RDH11: variants seen among roughly 807,000 people sequenced by gnomAD.
RDH11 encodes retinol dehydrogenase 11.
RDH11 carries 19 observed loss-of-function variants against 33.4 expected under a neutral mutation model. The observed-to-expected ratio is 0.57, with a 90% CI of 0.40 to 0.83. The LOEUF (loss-of-function observed/expected upper bound fraction) is 0.83. RDH11 is among the 40% of genes least tolerant of loss of function. RDH11 has a pLI of 0.00. For missense variants in RDH11, 353 were observed against 389.0 expected, an observed-to-expected ratio of 0.91 and a Z score of 0.78; for synonymous variants, 154 against 155.3, an observed-to-expected ratio of 0.99 and a Z score of 0.06.
At position 67,690,291 on chromosome 14, in the gene RDH11, G is replaced by C. The variant is rs538057863; in HGVS notation, c.585C>G (p.Phe195Leu). 3 of 1,614,050 alleles carry C rather than the reference G, an allele frequency of 1.9e-6. No homozygotes were observed. Among genetic ancestry groups the C allele is most frequent in the Non-Finnish European group, 2.5e-6 (3 of 1,180,024 alleles). ...GACAGTAGGCCAGGCCTGCATTGTA[G>C]AATTTCTCGCCCTGCAGGTTATGGA... Reference protein sequence around the residue: ...IHFHNLQGEKFYNAGLAYCHS... With the variant: ...IHFHNLQGEKLYNAGLAYCHS... Residue 195 changes from phenylalanine to leucine, a missense_variant, in exon 5 of 7, where the codon TTC (phenylalanine) becomes TTG (leucine). By Grantham distance (22) the Phe-to-Leu change is conservative (BLOSUM62 0). Coordinates refer to ENST00000381346, the MANE Select transcript of RDH11 (RefSeq NM_016026.4).
At chr14:67,686,306 A>AG (rs2037677443) in intron 5 of RDH11, 1 of 152,202 alleles carries the variant, frequency 6.6e-6, no homozygotes, top group Admixed American at 6.5e-5. Context: ...GGTAGTTATG[A>AG]GGATTAAATG....
At chr14:67,688,395 T>G (rs2037707297) in intron 5 of RDH11, among the ~76,000 whole-genome samples, 1 of 152,188 alleles carries the variant, frequency 6.6e-6, no homozygotes, top group Non-Finnish European at 1.5e-5. Flanking sequence ...ATGTACTAAA[T>G]GGAAAGATCT....
At chr14:67,690,739 T>C (rs548010161) in intron 4 of RDH11, 4 of 392,960 alleles carry the variant, frequency 1.0e-5, no homozygotes, top group South Asian at 7.9e-5. Context: ...ATCTCAGCAC[T>C]TAAAGAGGCT....
intron 6 of RDH11, 124 bp from the exon 7 acceptor site, chr14:67,678,547 C>T (rs1167391572): frequency 2.4e-5 from 15 of 623,916 alleles, no homozygotes; most frequent in Non-Finnish European, 3.7e-5. Context: ...TTCACAGGGC[C>T]AGTGTTTGTC....
At chr14:67,679,529 G>T (rs1364471123) in intron 6 of RDH11, among the ~76,000 whole-genome samples, 1 of 151,774 alleles carries the variant, frequency 6.6e-6, no homozygotes, top group Non-Finnish European at 1.5e-5. Context: ...TCAGCCTCCA[G>T]AGTAGCTGGG....
intron 1 of RDH11, 102 bp downstream of exon 1, chr14:67,695,528 C>T (rs2037819487): frequency 8.6e-7 from 1 of 1,162,476 alleles, no homozygotes. Context: ...ATCTTGGAGC[C>T]CCCCCAGGGG....
At chr14:67,690,564 A>G in intron 4 of RDH11, 143 bp from the exon 5 acceptor site, 2 of 673,300 alleles carry the variant, frequency 3.0e-6, no homozygotes, top group Admixed American at 2.7e-5. Context: ...CTAGAAAACA[A>G]GTTTAATGAA....
chr14:67,692,782 A>G, intron 2 of RDH11, 152 bp downstream of exon 2: 1 of 860,414 alleles, frequency 1.2e-6, no homozygotes, highest in Non-Finnish European at 1.8e-6. Context: ...CATTATATGT[A>G]GAGCATAGTA....
intron 1 of RDH11, 88 bp downstream of exon 1, chr14:67,695,542 T>C (rs1403118613): frequency 5.1e-6 from 7 of 1,368,352 alleles, no homozygotes; most frequent in Non-Finnish European, 7.0e-6. Context: ...CCAGGGGAGT[T>C]TTCCAAGAAA....
chr14:67,695,720 G>A lies in RDH11; in HGVS notation c.-17C>T, dbSNP rs770958570. The stretch of plus-strand genomic sequence containing the variant: ...CTCAACCATCTCTGCCGGCTGCAGC[G>A]GCACCAGAGCGGGATGCTCCAGCGT... On this transcript the variant is annotated 5_prime_UTR_variant, in exon 1 of 7. Transcript: ENST00000381346. 101 of 1,613,310 alleles carry A rather than the reference G, an allele frequency of 6.3e-5. No homozygotes were observed. The Middle Eastern group carries it at 1.3e-3, about 21-fold the overall frequency.
rs1477980820 is a variant in RDH11 at position 67,695,683 on chromosome 14, C to A, written c.21G>T (p.Pro7=). Residue 7 remains proline (P), a synonymous_variant, in exon 1 of 7, where the codon CCG becomes CCT. Coordinates refer to ENST00000381346, the MANE Select transcript of RDH11 (RefSeq NM_016026.4). MVELMF[P]LLLLLLPFLL... The stretch of plus-strand genomic sequence containing the variant: ...GGAAGGGCAGAAGGAGGAGCAACAG[C>A]GGGAACATGAGCTCAACCATCTCTG... The A allele has an allele frequency of 6.2e-7, 1 of 1,614,074 alleles. No individual in the cohort carries two copies. The highest frequency in any genetic ancestry group is 1.3e-5 in the African/African-American group (1 of 74,954).
intron 6 of RDH11, chr14:67,684,411 T>C (rs1171720537): frequency 6.6e-6 from 1 of 152,136 alleles, no homozygotes; most frequent in African/African-American, 2.4e-5. Context: ...GAATTGGCCA[T>C]GGGTTAATGG....
chr14:67,693,417 A>C (rs1441744521), intron 1 of RDH11, among the ~76,000 whole-genome samples: 1 of 152,126 alleles, frequency 6.6e-6, no homozygotes, highest in Non-Finnish European at 1.5e-5. Flanking sequence ...TCTGTAGGTC[A>C]ATCTGTCCAC....
intron 1 of RDH11, among the ~76,000 whole-genome samples, chr14:67,693,280 G>A (rs1237238766): frequency 6.6e-6 from 1 of 152,216 alleles, no homozygotes; most frequent in African/African-American, 2.4e-5. Flanking sequence ...GCTTACAGCT[G>A]TTCTCTGCAG....
intron 1 of RDH11, among the ~76,000 whole-genome samples, chr14:67,694,489 C>CACAT (rs1555387472): frequency 0.022 from 3,187 of 144,140 alleles, 45 homozygotes; most frequent in African/African-American, 0.042. Flanking sequence ...CACACACACA[C>CACAT]ATATATATAT....
At position 67,678,233 on chromosome 14, in the gene RDH11, T is replaced by C; in HGVS notation, c.*88A>G. 1 of 914,286 alleles carries C rather than the reference T, an allele frequency of 1.1e-6. No homozygotes were observed. The highest frequency in any genetic ancestry group is 1.8e-6 in the Non-Finnish European group (1 of 563,626). The allele number at this position is 914,286 out of a possible 1,614,324, so 56.6% of individuals were successfully genotyped here. A position where few individuals can be genotyped will look rare whatever the true frequency, so the allele number is the denominator to read the frequency against. ...GGTTTTGCTCTCTTTGTGCTAAAGGTTTTGAAAACCTTGAAGGAGAATCAT... is the reference window on the plus strand; with the variant it reads ...GGTTTTGCTCTCTTTGTGCTAAAGGCTTTGAAAACCTTGAAGGAGAATCAT... On this transcript the variant is annotated 3_prime_UTR_variant, in exon 7 of 7. Coordinates refer to ENST00000381346, the MANE Select transcript of RDH11 (RefSeq NM_016026.4).
intron 5 of RDH11, among the ~76,000 whole-genome samples, chr14:67,688,046 T>C (rs552478725): frequency 3.3e-5 from 5 of 152,238 alleles, no homozygotes; most frequent in Admixed American, 1.3e-4. Context: ...GTGCTGGGAT[T>C]ACAGGTGTGA....
rs1482091327 is a variant in RDH11, at chr14:67,695,695, C to T, written c.9G>A (p.Glu3=). 1 of 1,614,022 alleles carries T rather than the reference C, an allele frequency of 6.2e-7. No homozygotes were observed. The highest frequency in any genetic ancestry group is 8.5e-7 in the Non-Finnish European group (1 of 1,180,018). MV[E]LMFPLLLLLL... is the part of the protein sequence containing the mutation. ...GGAGGAGCAACAGCGGGAACATGAG[C>T]TCAACCATCTCTGCCGGCTGCAGCG... Residue 3 remains glutamate (E), a synonymous_variant, in exon 1 of 7, where the codon GAG becomes GAA. Coordinates refer to ENST00000381346, the MANE Select transcript of RDH11 (RefSeq NM_016026.4).
chr14:67,680,440 A>C (rs1460315785), intron 6 of RDH11, among the ~76,000 whole-genome samples: 1 of 152,186 alleles, frequency 6.6e-6, no homozygotes, highest in East Asian at 1.9e-4. Flanking sequence ...TAGGCTATAA[A>C]AACTAATCAA....
Sources: allele counts gnomAD v4.1 joint callset (sites outside exome capture counted in the v4.1 genomes callset), GRCh38; gene constraint gnomAD v4.1.1; transcripts MANE v1.5; gene names NCBI Gene and HGNC (gene_info 2026-07-23, HGNC 2026-07-21).